Variants in MYCBP2 observed in about 807,000 individuals in gnomAD.
The protein encoded by MYCBP2 is MYC binding protein 2.
Under a neutral mutation model 525.3 loss-of-function variants are expected in MYCBP2, and 120 were observed. That is an observed-to-expected ratio of 0.23 (90% CI 0.20 to 0.27). The LOEUF (loss-of-function observed/expected upper bound fraction) is 0.27. MYCBP2 is among the 10% of genes least tolerant of loss of function. The pLI, the probability that MYCBP2 is intolerant of heterozygous loss-of-function variation, is 1.00. For synonymous variants in MYCBP2, 1,894 were observed against 1,955.8 expected (o/e 0.97, Z 0.83); for missense variants, 4,149 against 5,657.1 (o/e 0.73, Z 8.55).
At chr13:77,255,963 C>T (rs1276975845) in intron 14 of MYCBP2, among the ~76,000 whole-genome samples, 3 of 151,904 alleles carry the variant, frequency 2.0e-5, no homozygotes, top group African/African-American at 4.8e-5. Context: ...ATAAACATAA[C>T]GATAGCAGCT....
intron 40 of MYCBP2, 87 bp from the exon 41 acceptor site, chr13:77,166,641 T>G: frequency 1.2e-6 from 1 of 804,204 alleles, no homozygotes. Context: ...TGTGTGTCTA[T>G]GCTTTTATTA....
At chr13:77,203,982 A>G (rs1021925285) in intron 26 of MYCBP2, among the ~76,000 whole-genome samples, 5 of 152,072 alleles carry the variant, frequency 3.3e-5, no homozygotes, top group Admixed American at 6.6e-5. Flanking sequence ...GGACATAGGC[A>G]TGGGCAAGGA....
intron 26 of MYCBP2, among the ~76,000 whole-genome samples, chr13:77,195,666 A>G (rs1452567291): frequency 6.6e-6 from 1 of 152,186 alleles, no homozygotes; most frequent in Non-Finnish European, 1.5e-5. Context: ...TACTGGTACC[A>G]AAGCTTGTCA....
intron 44 of MYCBP2, among the ~76,000 whole-genome samples, chr13:77,158,549 C>A (rs977912605): frequency 3.9e-5 from 6 of 152,152 alleles, no homozygotes; most frequent in Non-Finnish European, 7.4e-5. Context: ...CTCAAGCGAT[C>A]CTTCTGCCTC....
chr13:77,295,004 A>G (rs767988364), intron 2 of MYCBP2, among the ~76,000 whole-genome samples: 1 of 152,236 alleles, frequency 6.6e-6, no homozygotes, highest in Admixed American at 6.5e-5. Context: ...TATGACTAGT[A>G]TAAGAGATTG....
Position 77,231,727 on chromosome 13 carries a change from T to C in MYCBP2, c.2737+1429A>G, listed in dbSNP as rs187874906. Reference sequence around the variant, plus strand: ...AACTGTTTCATGAAATGTGAATATTTAACCTCAGTTAAACTATTGGGAAAA... The same window carrying C: ...AACTGTTTCATGAAATGTGAATATTCAACCTCAGTTAAACTATTGGGAAAA... On this transcript the variant is annotated intron_variant, in intron 18 of 82. Coordinates refer to ENST00000544440, the MANE Select transcript of MYCBP2 (RefSeq NM_015057.5). Among the ~76,000 whole-genome samples the C allele has an allele frequency of 1.5e-3, 222 of 152,372 alleles. 5 individuals carry two copies. Among genetic ancestry groups the C allele is most frequent in the Non-Finnish European group, 2.2e-3 (152 of 68,034 alleles).
intron 18 of MYCBP2, 51 bp downstream of exon 18, chr13:77,233,105 T>C: frequency 1.4e-6 from 2 of 1,477,772 alleles, no homozygotes. Context: ...TTCAAATGAG[T>C]GGAAGAAATT....
rs1308508819 is a variant in MYCBP2, at chr13:77,169,820, T to C, written c.5795-106A>G. On this transcript the variant is annotated intron_variant, in intron 38 of 82. Coordinates refer to ENST00000544440, the MANE Select transcript of MYCBP2 (RefSeq NM_015057.5). Reference sequence around the variant, plus strand: ...TATTCTGCTCTTTTGAGCGAAACTATAGTTGACACCAATTGGGTGCTTGTC... The same window carrying C: ...TATTCTGCTCTTTTGAGCGAAACTACAGTTGACACCAATTGGGTGCTTGTC... The C allele has an allele frequency of 3.6e-5, 33 of 913,292 alleles. No homozygotes were observed. The Middle Eastern group carries it at 1.3e-3, about 35-fold the overall frequency. 56.6% of individuals were successfully genotyped at this position (913,292 alleles called of 1,614,324 possible). A position where few individuals can be genotyped will look rare whatever the true frequency, so the allele number is the denominator to read the frequency against.
chr13:77,278,315 T>C (rs2075839612), intron 4 of MYCBP2, among the ~76,000 whole-genome samples: 2 of 152,238 alleles, frequency 1.3e-5, no homozygotes, highest in African/African-American at 2.4e-5. Context: ...GGATTATTTC[T>C]GGATTCCAGG....
intron 60 of MYCBP2, among the ~76,000 whole-genome samples, chr13:77,089,645 CTG>C (rs79893521): frequency 1.7e-4 from 25 of 145,262 alleles, no homozygotes; most frequent in South Asian, 2.2e-4. Flanking sequence ...GATCATGTAA[CTG>C]TTTTTTTTTT....
intron 11 of MYCBP2, 123 bp downstream of exon 11, chr13:77,261,930 T>A (rs1024291178): frequency 9.1e-5 from 69 of 755,674 alleles, no homozygotes; most frequent in Admixed American, 9.5e-5. Flanking sequence ...AAAAATAATT[T>A]TAAATCAAAA....
intron 69 of MYCBP2, among the ~76,000 whole-genome samples, chr13:77,070,409 T>C (rs368384737): frequency 1.5e-4 from 23 of 152,190 alleles, no homozygotes; most frequent in African/African-American, 5.6e-4. Context: ...TAGGAGATTT[T>C]TTTTTCTTGC....
rs1293124150 is a variant in MYCBP2 at position 77,156,040 on chromosome 13, T to C, written c.6915+18A>G. On this transcript the variant is annotated intron_variant, in intron 46 of 82. Transcript: ENST00000544440. ...GCCAGTATATAGATGTCTGCTAATT[T>C]AATCCAGTTATAATTACCTTCATAT... 3 of 1,606,568 alleles carry C rather than the reference T, an allele frequency of 1.9e-6. No homozygotes were observed. The highest frequency in any genetic ancestry group is 1.3e-5 in the African/African-American group (1 of 74,844).
At chr13:77,120,819 T>C (rs1321766881) in intron 55 of MYCBP2, among the ~76,000 whole-genome samples, 1 of 152,190 alleles carries the variant, frequency 6.6e-6, no homozygotes, top group East Asian at 1.9e-4. Flanking sequence ...GACTTAGGGT[T>C]TTCTTCTTTT....
intron 1 of MYCBP2, among the ~76,000 whole-genome samples, chr13:77,297,108 G>T (rs976356547): frequency 2.0e-5 from 3 of 152,104 alleles, no homozygotes; most frequent in Non-Finnish European, 1.5e-5. Flanking sequence ...AAAATCCCCA[G>T]CTCATATACT....
At chr13:77,048,464 G>C (rs1009456435) in intron 82 of MYCBP2, among the ~76,000 whole-genome samples, 1 of 152,154 alleles carries the variant, frequency 6.6e-6, no homozygotes, top group Non-Finnish European at 1.5e-5. Context: ...TGCTTCTTCT[G>C]TCCTTCTAAG....
chr13:77,245,606 G>C (rs537850989), intron 15 of MYCBP2, among the ~76,000 whole-genome samples: 93 of 142,428 alleles, frequency 6.5e-4, no homozygotes, highest in Non-Finnish European at 6.4e-4. Flanking sequence ...GGGCCTGTTG[G>C]GGGGTGGGGG....
At chr13:77,310,907 C>T (rs2080118338) in intron 1 of MYCBP2, among the ~76,000 whole-genome samples, 1 of 152,088 alleles carries the variant, frequency 6.6e-6, no homozygotes, top group Non-Finnish European at 1.5e-5. Flanking sequence ...TTGGCATAAA[C>T]CCCAAAACAG....
At chr13:77,147,740 C>T (rs1187101665) in intron 47 of MYCBP2, among the ~76,000 whole-genome samples, 2 of 152,034 alleles carry the variant, frequency 1.3e-5, no homozygotes, top group African/African-American at 2.4e-5. Flanking sequence ...TATTTCATCA[C>T]TCTCCCTCAA....
Sources: allele counts gnomAD v4.1 joint callset (sites outside exome capture counted in the v4.1 genomes callset), GRCh38; gene constraint gnomAD v4.1.1; transcripts MANE v1.5; gene names NCBI Gene and HGNC (gene_info 2026-07-23, HGNC 2026-07-21).